B4GALT6: variants seen among roughly 807,000 people sequenced by gnomAD.
B4GALT6 encodes beta-1,4-galactosyltransferase 6.
Under a neutral mutation model 46.3 loss-of-function variants are expected in B4GALT6, and 14 were observed. The observed-to-expected ratio is 0.30, with a 90% confidence interval of 0.20 to 0.47. The LOEUF is 0.47. B4GALT6 is among the 20% of genes least tolerant of loss of function. The probability of loss-of-function intolerance (pLI) is 0.99; values close to 1 mark genes in which losing one functional copy is unlikely to be tolerated. For missense variants in B4GALT6, 386 were observed against 480.1 expected, an observed-to-expected ratio of 0.80 and a Z score of 1.83; for synonymous variants, 168 against 162.0, an observed-to-expected ratio of 1.04 and a Z score of -0.28.
At chr18:31,676,610 A>G (rs1163139144) in intron 1 of B4GALT6, among the ~76,000 whole-genome samples, 1 of 152,214 alleles carries the variant, frequency 6.6e-6, no homozygotes, top group Non-Finnish European at 1.5e-5. Context: ...TCACCATGAC[A>G]GCCATCTCTA....
rs1048521820 is a variant in B4GALT6 at position 31,647,731 on chromosome 18, T to C, written c.347-2252A>G. 2.0e-5 allele frequency among the ~76,000 whole-genome samples: 3 copies of C among 152,040 alleles called. No homozygotes were observed. The East Asian group carries it at 5.8e-4, about 29-fold the overall frequency. ...ACATTCATCATTGTGGGGAGTGGTATTAGGGAGAAGATCCTGTACATAGGA... is the reference window on the plus strand; with the variant it reads ...ACATTCATCATTGTGGGGAGTGGTACTAGGGAGAAGATCCTGTACATAGGA... On this transcript the variant is annotated intron_variant, in intron 3 of 8. Transcript: ENST00000306851.
At chr18:31,636,207 G>C (rs1317302013) in intron 5 of B4GALT6, among the ~76,000 whole-genome samples, 2 of 152,180 alleles carry the variant, frequency 1.3e-5, no homozygotes, top group Non-Finnish European at 2.9e-5. Flanking sequence ...CTGGAAGAAA[G>C]AGAAAATCAT....
intron 1 of B4GALT6, among the ~76,000 whole-genome samples, chr18:31,678,099 T>G (rs1006860900): frequency 6.6e-6 from 1 of 152,112 alleles, no homozygotes; most frequent in Non-Finnish European, 1.5e-5. Context: ...TTTTGCAAGG[T>G]AAGCCAGGGT....
chr18:31,643,375 T>C (rs2073954170), intron 4 of B4GALT6, among the ~76,000 whole-genome samples: 2 of 152,186 alleles, frequency 1.3e-5, no homozygotes, highest in African/African-American at 4.8e-5. Flanking sequence ...CTCGGCTCAC[T>C]GCAGCTTCCA....
intron 1 of B4GALT6, among the ~76,000 whole-genome samples, chr18:31,677,352 TAAAACCA>T (rs2074425804): frequency 6.6e-6 from 1 of 152,182 alleles, no homozygotes; most frequent in South Asian, 2.1e-4. Flanking sequence ...TAAATTTTGC[TAAAACCA>T]AAAACAATTA....
chr18:31,668,711 T>C (rs2074312276), intron 1 of B4GALT6, among the ~76,000 whole-genome samples: 1 of 152,046 alleles, frequency 6.6e-6, no homozygotes, highest in Non-Finnish European at 1.5e-5. Flanking sequence ...ATCTAAAAGT[T>C]GTAATCTGGC....
the B4GALT6 span, among the ~76,000 whole-genome samples, chr18:31,718,492 G>C: frequency 4.6e-5 from 7 of 152,124 alleles, no homozygotes; most frequent in African/African-American, 1.7e-4. Context: ...AAATCCCAGT[G>C]GCAACCAGCC....
At chr18:31,708,084 T>A in the B4GALT6 span, among the ~76,000 whole-genome samples, 2 of 152,224 alleles carry the variant, frequency 1.3e-5, no homozygotes, top group Non-Finnish European at 2.9e-5. Flanking sequence ...GTATGCATTA[T>A]GATCACCTAT....
chr18:31,696,323 T>C, the B4GALT6 span, among the ~76,000 whole-genome samples: 1 of 150,492 alleles, frequency 6.6e-6, no homozygotes, highest in Admixed American at 6.6e-5. Flanking sequence ...AGAAAACAAA[T>C]GCAATAGAAA....
the B4GALT6 span, among the ~76,000 whole-genome samples, chr18:31,708,574 AAAAATAAAAATT>A: frequency 2.0e-5 from 3 of 152,200 alleles, no homozygotes; most frequent in South Asian, 4.1e-4. Flanking sequence ...AATAAAAAAT[AAAAATAAAAATT>A]AAAATTAAAA....
chr18:31,633,618 C>T (rs1241294222), intron 5 of B4GALT6, among the ~76,000 whole-genome samples: 1 of 152,172 alleles, frequency 6.6e-6, no homozygotes, highest in Non-Finnish European at 1.5e-5. Context: ...TTATTTGCTT[C>T]TCTGATTTCC....
intron 3 of B4GALT6, among the ~76,000 whole-genome samples, chr18:31,651,338 C>G (rs1212135133): frequency 1.3e-5 from 2 of 152,056 alleles, no homozygotes; most frequent in African/African-American, 4.8e-5. Flanking sequence ...TTGCCTCAAG[C>G]ATAGTAAGGT....
At chr18:31,710,659 T>C in the B4GALT6 span, among the ~76,000 whole-genome samples, 1 of 152,148 alleles carries the variant, frequency 6.6e-6, no homozygotes, top group Non-Finnish European at 1.5e-5. Flanking sequence ...ATTTTGGACT[T>C]CTGGAATTCT....
At chr18:31,722,093 A>T in the B4GALT6 span, among the ~76,000 whole-genome samples, 1 of 152,186 alleles carries the variant, frequency 6.6e-6, no homozygotes, top group African/African-American at 2.4e-5. Context: ...AAATAATTAA[A>T]TGCCCTTTAC....
At chr18:31,707,214 T>A in the B4GALT6 span, among the ~76,000 whole-genome samples, 1 of 147,646 alleles carries the variant, frequency 6.8e-6, no homozygotes. Flanking sequence ...AAATTTATTT[T>A]AAAATTTCTT....
At chr18:31,633,555 A>C (rs1042936262) in intron 5 of B4GALT6, among the ~76,000 whole-genome samples, 13 of 152,176 alleles carry the variant, frequency 8.5e-5, no homozygotes, top group Admixed American at 7.9e-4. Flanking sequence ...TATGTAGAAG[A>C]GTGACTTAAT....
intron 1 of B4GALT6, among the ~76,000 whole-genome samples, chr18:31,668,506 A>C (rs1408462941): frequency 6.6e-6 from 1 of 152,124 alleles, no homozygotes; most frequent in Non-Finnish European, 1.5e-5. Context: ...TGGGGGAAAA[A>C]CTTATTCACA....
the B4GALT6 span, among the ~76,000 whole-genome samples, chr18:31,713,072 G>A: frequency 6.6e-6 from 1 of 152,246 alleles, no homozygotes; most frequent in Admixed American, 6.5e-5. Context: ...TTATAAGTGG[G>A]CCAGGCACAA....
chr18:31,664,001 T>C (rs1221780773), intron 2 of B4GALT6, among the ~76,000 whole-genome samples: 4 of 152,260 alleles, frequency 2.6e-5, no homozygotes, highest in Admixed American at 2.0e-4. Context: ...GTCAAGACTA[T>C]ATTTCCCAGT....
Sources: allele counts gnomAD v4.1 joint callset (sites outside exome capture counted in the v4.1 genomes callset), GRCh38; gene constraint gnomAD v4.1.1; transcripts MANE v1.5; gene names NCBI Gene and HGNC (gene_info 2026-07-23, HGNC 2026-07-21).